Variants in MYO1E observed in about 807,000 individuals in gnomAD.
MYO1E encodes unconventional myosin-Ie.
MYO1E carries 68 observed loss-of-function variants against 151.1 expected under a neutral mutation model. The ratio of observed to expected loss-of-function variants is 0.45; its 90% CI spans 0.37 to 0.55. The LOEUF is 0.55. MYO1E is among the 20% of genes least tolerant of loss of function. The probability of loss-of-function intolerance (pLI) is 0.00; values close to 1 mark genes in which losing one functional copy is unlikely to be tolerated. For synonymous variants in MYO1E, 601 were observed against 501.7 expected (o/e 1.20, Z -2.64); for missense variants, 1,363 against 1,389.3 (o/e 0.98, Z 0.30).
chr15:59,214,290 TACA>T lies in MYO1E; in HGVS notation c.1210_1212del (p.Cys404del). 1 of 1,611,940 alleles carries T rather than the reference TACA, an allele frequency of 6.2e-7. No homozygotes were observed. The highest frequency in any genetic ancestry group is 8.5e-7 in the Non-Finnish European group (1 of 1,179,340). On this transcript the variant is annotated inframe_deletion, in exon 12 of 28. Transcript: ENST00000288235. ...TGCAGTTTTTCATTAACAAAATTGA[TACA>T]AAACTGTTCAAAGCCATTTTTCTGG...
At chr15:59,372,260 G>C (rs1198993970) in intron 1 of MYO1E, among the ~76,000 whole-genome samples, 1 of 152,156 alleles carries the variant, frequency 6.6e-6, no homozygotes, top group Non-Finnish European at 1.5e-5. Context: ...CCCGGCCACA[G>C]AAAGTTTCGC....
chr15:59,227,642 T>A, intron 6 of MYO1E, 52 bp from the exon 7 acceptor site: 2 of 1,603,400 alleles, frequency 1.2e-6, no homozygotes. Context: ...AAACATGATG[T>A]CCCAAACAGG....
chr15:59,303,269 G>A (rs1250426925), intron 1 of MYO1E, among the ~76,000 whole-genome samples: 3 of 152,146 alleles, frequency 2.0e-5, no homozygotes, highest in Admixed American at 2.0e-4. Context: ...AAAATTGGCC[G>A]GGTGTGGTGG....
chr15:59,220,279 T>A (rs2079946098), intron 9 of MYO1E, among the ~76,000 whole-genome samples: 1 of 152,188 alleles, frequency 6.6e-6, no homozygotes, highest in Middle Eastern at 3.4e-3. Flanking sequence ...CAAAACCCCA[T>A]CTCTACTAAA....
Position 59,158,376 on chromosome 15 carries a change from G to C in MYO1E, c.2789C>G (p.Pro930Arg). The change falls in exon 25 of 28, where the codon CCT becomes CGT. Residue 930 changes from proline to arginine, a missense_variant. By Grantham distance (103) the Pro-to-Arg change is moderately radical. Coordinates refer to ENST00000288235, the MANE Select transcript of MYO1E (RefSeq NM_004998.4). ...IGPGLPKNSRPTRRNTTQNTG... is the reference protein window; with the variant it reads ...IGPGLPKNSRRTRRNTTQNTG... ...ATTTTGGGTAGTGTTCCTTCTGGTA[G>C]GACCTGAAATAAACAAGACAAAGTT... The C allele has an allele frequency of 6.4e-7, 1 of 1,558,414 alleles. No homozygotes were observed. The highest frequency in any genetic ancestry group is 1.2e-5 in the South Asian group (1 of 84,782).
intron 4 of MYO1E, among the ~76,000 whole-genome samples, chr15:59,240,103 C>A (rs1407463933): frequency 6.6e-6 from 1 of 152,238 alleles, no homozygotes; most frequent in African/African-American, 2.4e-5. Flanking sequence ...CACACACACA[C>A]AAATACTCTA....
At chr15:59,356,853 C>T (rs1419870664) in intron 1 of MYO1E, among the ~76,000 whole-genome samples, 1 of 151,452 alleles carries the variant, frequency 6.6e-6, no homozygotes, top group Non-Finnish European at 1.5e-5. Flanking sequence ...ACAGGCGTTG[C>T]ACCACTGTGC....
chr15:59,229,280 C>T (rs1420042795), intron 6 of MYO1E, among the ~76,000 whole-genome samples: 1 of 152,178 alleles, frequency 6.6e-6, no homozygotes, highest in Non-Finnish European at 1.5e-5. Flanking sequence ...GCCTTTCCAA[C>T]ATGCTGTCAG....
chr15:59,216,230 A>G (rs979897103), intron 10 of MYO1E, among the ~76,000 whole-genome samples: 4 of 152,064 alleles, frequency 2.6e-5, no homozygotes, highest in African/African-American at 9.7e-5. Flanking sequence ...ACTAGCTAGG[A>G]ATCTAGGGCC....
At chr15:59,240,363 T>C (rs1373761142) in intron 4 of MYO1E, among the ~76,000 whole-genome samples, 1 of 152,160 alleles carries the variant, frequency 6.6e-6, no homozygotes, top group African/African-American at 2.4e-5. Flanking sequence ...ATAGGAAGTA[T>C]TGTAGAGTGT....
intron 26 of MYO1E, among the ~76,000 whole-genome samples, chr15:59,141,329 C>T (rs1036035948): frequency 1.6e-4 from 25 of 152,174 alleles, no homozygotes; most frequent in African/African-American, 5.3e-4. Flanking sequence ...TACTAAACTC[C>T]ACAGACACGT....
intron 18 of MYO1E, among the ~76,000 whole-genome samples, chr15:59,185,373 T>C (rs1157985463): frequency 6.6e-6 from 1 of 152,190 alleles, no homozygotes; most frequent in Non-Finnish European, 1.5e-5. Context: ...GTTCAAGCAA[T>C]TCTCCTGCCT....
intron 22 of MYO1E, among the ~76,000 whole-genome samples, chr15:59,169,706 C>T (rs1037493383): frequency 3.3e-5 from 5 of 152,100 alleles, no homozygotes; most frequent in African/African-American, 1.2e-4. Flanking sequence ...CTGGTGCTCC[C>T]ATGACAGATT....
At chr15:59,307,356 T>C (rs1358806538) in intron 1 of MYO1E, among the ~76,000 whole-genome samples, 1 of 152,136 alleles carries the variant, frequency 6.6e-6, no homozygotes, top group Non-Finnish European at 1.5e-5. Flanking sequence ...TCGTTTTCTA[T>C]TGGAAGGAGA....
chr15:59,222,704 A>C (rs1163496872), intron 9 of MYO1E, among the ~76,000 whole-genome samples: 2 of 152,236 alleles, frequency 1.3e-5, no homozygotes, highest in Non-Finnish European at 2.9e-5. Context: ...GGTTTTGATA[A>C]AGACAATAAA....
chr15:59,162,659 G>GAAAAAAAAAAAAAA (rs56116339), intron 23 of MYO1E, among the ~76,000 whole-genome samples: 1 of 120,908 alleles, frequency 8.3e-6, no homozygotes, highest in Non-Finnish European at 1.7e-5. Flanking sequence ...AAAAAAAAAA[G>GAAAAAAAAAAAAAA]AAAAAAAAAA....
At chr15:59,245,092 G>C (rs537185668) in intron 4 of MYO1E, among the ~76,000 whole-genome samples, 1 of 152,184 alleles carries the variant, frequency 6.6e-6, no homozygotes, top group African/African-American at 2.4e-5. Flanking sequence ...GGGATGGCGA[G>C]GTCAAAGGCC....
intron 12 of MYO1E, among the ~76,000 whole-genome samples, chr15:59,212,325 G>A (rs751734500): frequency 6.6e-6 from 1 of 152,048 alleles, no homozygotes; most frequent in African/African-American, 2.4e-5. Flanking sequence ...ACCCCTTAGA[G>A]TAGCTACAGC....
Position 59,195,583 on chromosome 15 carries a change from A to G in MYO1E, c.1699-16T>C. The G allele has an allele frequency of 6.3e-7, 1 of 1,598,316 alleles. No homozygotes were observed. Among genetic ancestry groups the G allele is most frequent in the South Asian group, 1.1e-5 (1 of 90,770 alleles). ...TGGCTTGTTTCTAGAAAGGAAGAAC[A>G]GTATCAGAATCATGGAACTTTCTCT... On this transcript the variant is annotated splice_polypyrimidine_tract_variant and intron_variant, in intron 16 of 27. Transcript: ENST00000288235.
Sources: gnomAD v4.1 joint callset for allele counts (sites outside exome capture counted in the v4.1 genomes callset) on GRCh38, gnomAD v4.1.1 for gene constraint, MANE v1.5 for transcripts, NCBI Gene and HGNC (gene_info 2026-07-23, HGNC 2026-07-21) for gene names.